MICAL3: variants seen among roughly 807,000 people sequenced by gnomAD.
The protein encoded by MICAL3 is microtubule associated monooxygenase, calponin and LIM domain containing 3.
Under a neutral mutation model 207.4 loss-of-function variants are expected in MICAL3, and 62 were observed. That is an observed-to-expected ratio of 0.30 (90% confidence interval 0.24 to 0.37). The LOEUF is 0.37. MICAL3 is among the 10% of genes least tolerant of loss of function. MICAL3 has a pLI of 1.00. For synonymous variants in MICAL3, 1,077 were observed against 1,069.3 expected (o/e 1.01, Z -0.14); for missense variants, 2,368 against 2,635.6 (o/e 0.90, Z 2.22).
rs185107597 is a variant in MICAL3, at chr22:17,933,025, G to A, written c.-74-26139C>T. On this transcript the variant is annotated intron_variant, in intron 1 of 31. Coordinates refer to ENST00000441493, the MANE Select transcript of MICAL3 (RefSeq NM_015241.3). ...AGAATCCCACACAATAATAATGGGA[G>A]ACTTTAACACCCCACTGTCAATATT... Among the ~76,000 whole-genome samples, 878 of 152,256 alleles carry A rather than the reference G, an allele frequency of 5.8e-3. 7 individuals carry two copies. Among genetic ancestry groups the A allele is most frequent in the African/African-American group, 0.021 (853 of 41,530 alleles).
At chr22:18,016,010 C>T (rs1924031712) in intron 1 of MICAL3, among the ~76,000 whole-genome samples, 1 of 152,098 alleles carries the variant, frequency 6.6e-6, no homozygotes, top group Non-Finnish European at 1.5e-5. Flanking sequence ...TGTTAACTAA[C>T]TTTATTGGGA....
At chr22:17,881,138 C>T in intron 16 of MICAL3, 1 of 1,310,606 alleles carries the variant, frequency 7.6e-7, no homozygotes, top group Non-Finnish European at 1.1e-6. Context: ...TTGGTCTCTA[C>T]ACTAGCCACC....
intron 1 of MICAL3, among the ~76,000 whole-genome samples, chr22:17,990,488 T>C (rs912985435): frequency 6.6e-6 from 1 of 152,134 alleles, no homozygotes; most frequent in African/African-American, 2.4e-5. Context: ...TTCTAAATGC[T>C]TGTGACCATA....
chr22:17,895,178 T>C, intron 10 of MICAL3, 106 bp downstream of exon 10: 1 of 1,173,666 alleles, frequency 8.5e-7, no homozygotes, highest in Non-Finnish European at 1.2e-6. Context: ...ACTAAAAAAG[T>C]ATCCTTGTAT....
At position 17,900,915 on chromosome 22, in the gene MICAL3, A is replaced by G. The variant is rs917429019; in HGVS notation, c.774T>C (p.Ala258=). 6 of 1,613,904 alleles carry G rather than the reference A, an allele frequency of 3.7e-6. No individual in the cohort carries two copies. In the African/African-American group the frequency reaches 5.3e-5, roughly 14 times the overall value. Residue 258 remains alanine, a synonymous_variant, in exon 6 of 32, where the codon GCT becomes GCC. Transcript: ENST00000441493. This position sits in a 1 kb window ranked among gnomAD's most constrained non-coding sequence, Gnocchi z 4.0. ...CCACACCACTGATCTCTTCCACTTT[A>G]GCTTCTGCTGTTGTATTTCGGTTGA... ...NFINRNTTAE[A]KVEEISGVAF... is the part of the protein sequence containing the mutation.
At chr22:17,948,030 C>G (rs1015273091) in intron 1 of MICAL3, among the ~76,000 whole-genome samples, 3 of 151,958 alleles carry the variant, frequency 2.0e-5, no homozygotes, top group African/African-American at 7.3e-5. Context: ...CTCTAAGGTA[C>G]TGGGTTCTCA....
At chr22:17,968,829 A>C (rs1017278921) in intron 1 of MICAL3, among the ~76,000 whole-genome samples, 3 of 152,180 alleles carry the variant, frequency 2.0e-5, no homozygotes, top group African/African-American at 7.2e-5. Flanking sequence ...ACAAACTTCA[A>C]ACATGCCTTG....
In MICAL3 at chr22:17,841,324, C is replaced by G. The variant is rs1923983060; in HGVS notation, c.2801+498G>C. Reference sequence around the variant, plus strand: ...GTCACCCAGCTGGATGTGATTACAGCTCTGGAACTGCCTAAGCATGCATCC... The same window carrying G: ...GTCACCCAGCTGGATGTGATTACAGGTCTGGAACTGCCTAAGCATGCATCC... On this transcript the variant is annotated intron_variant, in intron 20 of 31. Transcript: ENST00000441493. The surrounding 1 kb of genome is among the most constrained non-coding windows in gnomAD (Gnocchi z 4.2). The G allele has an allele frequency of 1.0e-5, 2 of 197,528 alleles. No homozygotes were observed. Among genetic ancestry groups the G allele is most frequent in the Non-Finnish European group, 2.1e-5 (2 of 95,042 alleles). 12.2% of individuals were successfully genotyped at this position (197,528 alleles called of 1,614,324 possible).
intron 1 of MICAL3, among the ~76,000 whole-genome samples, chr22:17,999,099 CA>C (rs1260128152): frequency 6.6e-6 from 1 of 152,178 alleles, no homozygotes; most frequent in Non-Finnish European, 1.5e-5. Flanking sequence ...TCCCAGAAGC[CA>C]GTGCCAGGAG....
intron 1 of MICAL3, among the ~76,000 whole-genome samples, chr22:17,975,009 A>G (rs964668225): frequency 2.0e-5 from 3 of 152,236 alleles, no homozygotes; most frequent in African/African-American, 7.2e-5. Flanking sequence ...AGCATGGACC[A>G]CATCACACCC....
chr22:18,009,125 C>A (rs1923577526), intron 1 of MICAL3, among the ~76,000 whole-genome samples: 1 of 142,522 alleles, frequency 7.0e-6, no homozygotes, highest in Non-Finnish European at 1.5e-5. Flanking sequence ...CTCTAGTTAC[C>A]AAGGCACTGC....
At position 17,793,502 on chromosome 22, in the gene MICAL3, C is replaced by A. The variant is rs1234451178; in HGVS notation, c.5651-2201G>T. Among the ~76,000 whole-genome samples the A allele has an allele frequency of 1.3e-5, 2 of 152,222 alleles. No individual in the cohort carries two copies. The highest frequency in any genetic ancestry group is 4.8e-5 in the African/African-American group (2 of 41,464). ...ATGCTGCAGCCCTGAAGGACCCAGA[C>A]CTGGAGGCTCTCTGGCTTTACTCTG... On this transcript the variant is annotated intron_variant, in intron 29 of 31. Coordinates refer to ENST00000441493, the MANE Select transcript of MICAL3 (RefSeq NM_015241.3). This position sits in a 1 kb window ranked among gnomAD's most constrained non-coding sequence, Gnocchi z 4.1.
chr22:17,821,662 G>A (rs1039586850), intron 24 of MICAL3, among the ~76,000 whole-genome samples, 153 bp from the exon 25 acceptor site: 3 of 152,212 alleles, frequency 2.0e-5, no homozygotes, highest in Admixed American at 2.0e-4. Flanking sequence ...GGTTCTCTCA[G>A]AGGCCAGGGT....
At position 17,899,521 on chromosome 22, in the gene MICAL3, T is replaced by C. The variant is rs1180783579; in HGVS notation, c.875A>G (p.Tyr292Cys). ...TGIDLENIVY[Y>C]KDDTHYFVMT... ...AACGAAATAGTGTGTGTCATCTTTG[T>C]AGTAAACGATGTTCTCCAAGTCAAT... The change falls in exon 7 of 32, where the codon TAC becomes TGC. Residue 292 changes from tyrosine to cysteine, a missense_variant. Tyr to Cys is a radical substitution (Grantham distance 194). Around this residue, in one of 4 missense-constraint regions of MICAL3, gnomAD observed 400 missense variants for 547.0 expected, o/e 0.73. Transcript: ENST00000441493. The C allele has an allele frequency of 6.2e-7, 1 of 1,605,982 alleles. No individual in the cohort carries two copies. The highest frequency in any genetic ancestry group is 8.5e-7 in the Non-Finnish European group (1 of 1,175,510).
chr22:17,935,091 A>G (rs1406549859), intron 1 of MICAL3, among the ~76,000 whole-genome samples: 1 of 152,200 alleles, frequency 6.6e-6, no homozygotes, highest in Non-Finnish European at 1.5e-5. Flanking sequence ...TAAAGTTCAT[A>G]TGGAACCAAA....
At chr22:17,929,120 A>C (rs970290112) in intron 1 of MICAL3, among the ~76,000 whole-genome samples, 5 of 149,760 alleles carry the variant, frequency 3.3e-5, no homozygotes, top group African/African-American at 1.2e-4. Context: ...TTTTTTAAAG[A>C]AAGAGTCTCC....
chr22:17,848,584 C>T (rs1187820837), intron 19 of MICAL3, among the ~76,000 whole-genome samples: 1 of 152,182 alleles, frequency 6.6e-6, no homozygotes, highest in African/African-American at 2.4e-5. Context: ...CAGGAGATCC[C>T]ATTGGCAACA....
intron 1 of MICAL3, among the ~76,000 whole-genome samples, chr22:17,975,896 CA>C (rs1411621157): frequency 2.6e-5 from 4 of 152,044 alleles, no homozygotes; most frequent in South Asian, 2.1e-4. Context: ...ACTAAAAATA[CA>C]AAAATTAGCC....
At chr22:17,799,900 A>AAAACACAC (rs1020507036) in intron 29 of MICAL3, among the ~76,000 whole-genome samples, 1 of 146,516 alleles carries the variant, frequency 6.8e-6, no homozygotes. Context: ...ATTACAATCT[A>AAAACACAC]AAACACACAA....
Sources: allele counts gnomAD v4.1 joint callset (sites outside exome capture counted in the v4.1 genomes callset), GRCh38; gene constraint gnomAD v4.1.1; regional missense constraint gnomAD v4.1.1; non-coding constraint Gnocchi (gnomAD v3.1); transcripts MANE v1.5; gene names NCBI Gene and HGNC (gene_info 2026-07-23, HGNC 2026-07-21).